The following KCNJ3 variants were observed in gnomAD, a reference collection of about 807,000 sequenced individuals.
KCNJ3 encodes potassium inwardly rectifying channel subfamily J member 3, also known as G protein-activated inward rectifier potassium channel 1.
Under a neutral mutation model 39.2 loss-of-function variants are expected in KCNJ3, and 4 were observed. The observed-to-expected ratio is 0.10, with a 90% CI of 0.05 to 0.23. The LOEUF is 0.23. Among genes scored for constraint, KCNJ3 ranks in the 10% least tolerant of loss-of-function variants. The pLI, the probability that KCNJ3 is intolerant of heterozygous loss-of-function variation, is 1.00. For synonymous variants in KCNJ3, 230 were observed against 237.4 expected (o/e 0.97, Z 0.29); for missense variants, 276 against 634.9 (o/e 0.43, Z 6.08).
At chr2:154,760,349 T>A (rs774573306) in intron 2 of KCNJ3, among the ~76,000 whole-genome samples, 4 of 152,180 alleles carry the variant, frequency 2.6e-5, no homozygotes, top group Non-Finnish European at 4.4e-5. Context: ...TTTTATGAGA[T>A]ATGTGTGTTA....
intron 2 of KCNJ3, among the ~76,000 whole-genome samples, chr2:154,745,255 G>A (rs534618999): frequency 1.3e-5 from 2 of 152,054 alleles, no homozygotes; most frequent in South Asian, 2.1e-4. Context: ...GGTGTCTGGA[G>A]TTCTTCTATA....
chr2:154,819,836 T>C (rs1033145190), intron 2 of KCNJ3, among the ~76,000 whole-genome samples: 7 of 152,008 alleles, frequency 4.6e-5, no homozygotes, highest in Non-Finnish European at 1.0e-4. Flanking sequence ...GATACAACAC[T>C]ATTATTATAT....
chr2:154,771,180 C>T (rs775417676), intron 2 of KCNJ3, among the ~76,000 whole-genome samples: 1 of 151,992 alleles, frequency 6.6e-6, no homozygotes, highest in Admixed American at 6.6e-5. Flanking sequence ...TGTGAGCCTC[C>T]GCACCCTCCC....
chr2:154,795,646 G>A (rs1686708504), intron 2 of KCNJ3, among the ~76,000 whole-genome samples: 1 of 152,018 alleles, frequency 6.6e-6, no homozygotes, highest in Non-Finnish European at 1.5e-5. Context: ...TAGGCTTAAA[G>A]TATTTAATGT....
intron 2 of KCNJ3, among the ~76,000 whole-genome samples, chr2:154,787,932 C>A (rs1686562976): frequency 6.6e-6 from 1 of 151,942 alleles, no homozygotes; most frequent in African/African-American, 2.4e-5. Context: ...TGATATGATC[C>A]AACATATATT....
chr2:154,833,872 A>AT (rs138056231), intron 2 of KCNJ3, among the ~76,000 whole-genome samples: 7,872 of 151,266 alleles, frequency 0.052, 241 homozygotes, highest in Middle Eastern at 0.072. Flanking sequence ...TTAATAGTGT[A>AT]TTTTTTTTTA....
At chr2:154,827,946 A>AT (rs1350795809) in intron 2 of KCNJ3, among the ~76,000 whole-genome samples, 1 of 152,166 alleles carries the variant, frequency 6.6e-6, no homozygotes, top group East Asian at 1.9e-4. Context: ...AATAACTTAG[A>AT]TTTTAGAAAA....
intron 2 of KCNJ3, among the ~76,000 whole-genome samples, chr2:154,772,645 T>C (rs542033881): frequency 6.6e-6 from 1 of 152,298 alleles, no homozygotes; most frequent in East Asian, 1.9e-4. Context: ...ATATGTACTG[T>C]GTAATGAATG....
chr2:154,809,435 T>A (rs1686970754), intron 2 of KCNJ3, among the ~76,000 whole-genome samples: 1 of 152,160 alleles, frequency 6.6e-6, no homozygotes, highest in Non-Finnish European at 1.5e-5. Context: ...AGTTGGCTAA[T>A]TAAATGAGAT....
chr2:154,756,741 C>G (rs1303222498), intron 2 of KCNJ3, among the ~76,000 whole-genome samples: 2 of 151,778 alleles, frequency 1.3e-5, no homozygotes, highest in African/African-American at 4.8e-5. Flanking sequence ...GCACATGTAC[C>G]CCGGAACTTA....
chr2:154,808,545 C>T (rs1248393420), intron 2 of KCNJ3, among the ~76,000 whole-genome samples: 1 of 152,186 alleles, frequency 6.6e-6, no homozygotes, highest in Non-Finnish European at 1.5e-5. Context: ...GGTGGCTGAA[C>T]AAGAATTAAG....
chr2:154,758,861 C>G (rs2105187186), intron 2 of KCNJ3, among the ~76,000 whole-genome samples: 1 of 152,270 alleles, frequency 6.6e-6, no homozygotes, highest in East Asian at 1.9e-4. Flanking sequence ...GTTGAGAACC[C>G]ACTTTTAAGG....
At position 154,802,199 on chromosome 2, in the gene KCNJ3, T is replaced by TC. The variant is rs375673241; in HGVS notation, c.920-52527dup. Among the ~76,000 whole-genome samples the TC allele has an allele frequency of 2.6e-4, 39 of 151,738 alleles. No individual in the cohort carries two copies. In the East Asian group the frequency reaches 6.5e-3, roughly 25 times the overall value. On this transcript the variant is annotated intron_variant, in intron 2 of 2. Coordinates refer to ENST00000295101, the MANE Select transcript of KCNJ3 (RefSeq NM_002239.4). ...TAAGGATTTGGGGAGTTTTTTTTTT[T>TC]CTAAGACAACAAGTTTTCTCTTATG...
At chr2:154,715,120 T>C (rs1685159961) in intron 2 of KCNJ3, among the ~76,000 whole-genome samples, 1 of 152,222 alleles carries the variant, frequency 6.6e-6, no homozygotes, top group Non-Finnish European at 1.5e-5. Flanking sequence ...CTACTCCCTG[T>C]TAGTAATAAC....
chr2:154,812,693 T>C (rs868698743), intron 2 of KCNJ3, among the ~76,000 whole-genome samples: 37 of 152,264 alleles, frequency 2.4e-4, no homozygotes, highest in South Asian at 2.1e-4. Context: ...TTTTCATTCA[T>C]ACAGGTGCAG....
At chr2:154,711,843 T>G (rs1052744087) in intron 2 of KCNJ3, among the ~76,000 whole-genome samples, 3 of 152,124 alleles carry the variant, frequency 2.0e-5, no homozygotes, top group African/African-American at 7.2e-5. Context: ...ACGTAAATTG[T>G]TTATTAGAAT....
chr2:154,723,373 A>C (rs1685296554), intron 2 of KCNJ3, among the ~76,000 whole-genome samples: 1 of 152,174 alleles, frequency 6.6e-6, no homozygotes, highest in African/African-American at 2.4e-5. Context: ...GTATACGAAG[A>C]GGAATAAGAT....
chr2:154,850,052 G>GT (rs1687732931), intron 2 of KCNJ3, among the ~76,000 whole-genome samples: 1 of 39,526 alleles, frequency 2.5e-5, no homozygotes, highest in Non-Finnish European at 4.9e-5. Flanking sequence ...TTTACAAAAT[G>GT]TTTTTTATCT....
chr2:154,807,327 T>A (rs971046668), intron 2 of KCNJ3, among the ~76,000 whole-genome samples: 2 of 152,162 alleles, frequency 1.3e-5, no homozygotes, highest in African/African-American at 4.8e-5. Context: ...ACAGAAATAG[T>A]ACAATCTTGG....
Sources: allele counts gnomAD v4.1 joint callset (sites outside exome capture counted in the v4.1 genomes callset), GRCh38; gene constraint gnomAD v4.1.1; transcripts MANE v1.5; gene names NCBI Gene and HGNC (gene_info 2026-07-23, HGNC 2026-07-21).